Variants in CDH18 observed in about 807,000 individuals in gnomAD.
CDH18 encodes cadherin-18.
Under a neutral mutation model 67.9 loss-of-function variants are expected in CDH18, and 31 were observed. That is an observed-to-expected ratio of 0.46 (90% confidence interval 0.34 to 0.62). The LOEUF (loss-of-function observed/expected upper bound fraction) is 0.62, where lower values mean the gene tolerates loss of function less well. Among genes scored for constraint, CDH18 ranks in the 20% least tolerant of loss-of-function variants. The pLI, the probability that CDH18 is intolerant of heterozygous loss-of-function variation, is 0.01. For missense variants in CDH18, 890 were observed against 975.5 expected (o/e 0.91, Z 1.17); for synonymous variants, 362 against 347.2 (o/e 1.04, Z -0.48).
chr5:20,384,892 A>C (rs1230526499), intron 1 of CDH18, among the ~76,000 whole-genome samples: 1 of 152,090 alleles, frequency 6.6e-6, no homozygotes, highest in East Asian at 1.9e-4. Context: ...GCTGGAGTGC[A>C]GTGGTGTGAT....
chr5:19,736,273 T>C (rs1480827586), intron 4 of CDH18, among the ~76,000 whole-genome samples: 1 of 151,984 alleles, frequency 6.6e-6, no homozygotes, highest in East Asian at 1.9e-4. Flanking sequence ...CGCCTTTAGG[T>C]GGGAGGCTGA....
intron 1 of CDH18, among the ~76,000 whole-genome samples, chr5:20,517,435 A>G (rs572171996): frequency 4.5e-4 from 68 of 151,926 alleles, no homozygotes; most frequent in African/African-American, 1.5e-3. Context: ...GGATATTAAT[A>G]TTCCAGGTTA....
chr5:20,430,402 T>C (rs1288801129), intron 1 of CDH18, among the ~76,000 whole-genome samples: 2 of 152,142 alleles, frequency 1.3e-5, no homozygotes, highest in Admixed American at 6.5e-5. Context: ...CAAGCTGTCA[T>C]CATGCTGCTC....
chr5:20,473,980 C>T (rs1469975233), intron 1 of CDH18, among the ~76,000 whole-genome samples: 1 of 152,072 alleles, frequency 6.6e-6, no homozygotes, highest in African/African-American at 2.4e-5. Flanking sequence ...AAATATCATC[C>T]TTTTGCTTGC....
chr5:19,870,448 C>T (rs890693331), intron 2 of CDH18, among the ~76,000 whole-genome samples: 1 of 152,068 alleles, frequency 6.6e-6, no homozygotes, highest in Non-Finnish European at 1.5e-5. Flanking sequence ...TATGAGTGCA[C>T]TTAATGTCAC....
At chr5:20,244,479 A>G (rs934288354) in intron 2 of CDH18, among the ~76,000 whole-genome samples, 1 of 151,894 alleles carries the variant, frequency 6.6e-6, no homozygotes, top group Non-Finnish European at 1.5e-5. Context: ...TAACCTCATC[A>G]TTGCAACAGT....
intron 2 of CDH18, among the ~76,000 whole-genome samples, chr5:20,123,886 CAAAA>C (rs11292634): frequency 5.7e-5 from 5 of 87,234 alleles, no homozygotes; most frequent in Non-Finnish European, 6.9e-5. Context: ...GACTCCGTCT[CAAAA>C]AAAAAAAAAA....
At chr5:20,095,083 C>T (rs1172485015) in intron 2 of CDH18, among the ~76,000 whole-genome samples, 19 of 151,792 alleles carry the variant, frequency 1.3e-4, no homozygotes, top group Admixed American at 1.2e-3. Flanking sequence ...CATGTTCTCA[C>T]TCATAAGTGG....
intron 1 of CDH18, among the ~76,000 whole-genome samples, chr5:20,328,233 G>A (rs1738796864): frequency 6.6e-6 from 1 of 152,162 alleles, no homozygotes; most frequent in Non-Finnish European, 1.5e-5. Flanking sequence ...GGAAACCAAA[G>A]AGAAGACTCA....
intron 2 of CDH18, among the ~76,000 whole-genome samples, chr5:20,019,774 G>A (rs1343979977): frequency 6.6e-6 from 1 of 152,180 alleles, no homozygotes; most frequent in African/African-American, 2.4e-5. Flanking sequence ...GGCACCAGGG[G>A]TGGGGCATTG....
chr5:19,940,535 A>T (rs182989891), intron 2 of CDH18, among the ~76,000 whole-genome samples: 91 of 152,188 alleles, frequency 6.0e-4, no homozygotes, highest in South Asian at 3.9e-3. Flanking sequence ...TGTATAAATC[A>T]TTTCCTGCAT....
chr5:19,551,234 A>G (rs1035455540), intron 8 of CDH18, among the ~76,000 whole-genome samples: 5 of 152,316 alleles, frequency 3.3e-5, no homozygotes, highest in African/African-American at 9.6e-5. Context: ...TTCAGATATC[A>G]GAGGTAGTAA....
At chr5:19,707,339 TG>T (rs1400041354) in intron 5 of CDH18, among the ~76,000 whole-genome samples, 8 of 152,320 alleles carry the variant, frequency 5.3e-5, no homozygotes, top group African/African-American at 1.9e-4. Context: ...AGTAACTTAA[TG>T]ATAGCTATGA....
intron 2 of CDH18, among the ~76,000 whole-genome samples, chr5:19,859,989 G>GTGTGTGT (rs1784707651): frequency 2.1e-5 from 3 of 143,148 alleles, no homozygotes; most frequent in Admixed American, 7.0e-5. Context: ...GTTTGCTTTG[G>GTGTGTGT]GTGTGTGTGT....
intron 5 of CDH18, among the ~76,000 whole-genome samples, chr5:19,635,495 T>G (rs1753009679): frequency 6.6e-6 from 1 of 152,220 alleles, no homozygotes; most frequent in African/African-American, 2.4e-5. Flanking sequence ...GAGAGATGGT[T>G]GTTTTGTAAA....
At chr5:20,060,407 T>C (rs1220506502) in intron 2 of CDH18, among the ~76,000 whole-genome samples, 1 of 152,018 alleles carries the variant, frequency 6.6e-6, no homozygotes, top group Non-Finnish European at 1.5e-5. Context: ...GAGGTTGCAG[T>C]GAGCCAAGAT....
chr5:20,285,073 C>T (rs1746583310), intron 1 of CDH18, among the ~76,000 whole-genome samples: 1 of 151,646 alleles, frequency 6.6e-6, no homozygotes, highest in Non-Finnish European at 1.5e-5. Flanking sequence ...CATCCCCTCT[C>T]ATAAATAAAG....
intron 1 of CDH18, among the ~76,000 whole-genome samples, chr5:20,396,896 A>T (rs1314859755): frequency 1.3e-5 from 2 of 152,178 alleles, no homozygotes; most frequent in Non-Finnish European, 2.9e-5. Flanking sequence ...ATTTGCCCTT[A>T]TTAAAATGCT....
At chr5:20,502,128 A>T (rs1277393171) in intron 1 of CDH18, among the ~76,000 whole-genome samples, 1 of 152,072 alleles carries the variant, frequency 6.6e-6, no homozygotes, top group East Asian at 1.9e-4. Context: ...TTTAGATTAG[A>T]TTGCTTATCT....
Sources: allele counts gnomAD v4.1 joint callset (sites outside exome capture counted in the v4.1 genomes callset), GRCh38; gene constraint gnomAD v4.1.1; transcripts MANE v1.5; gene names NCBI Gene and HGNC (gene_info 2026-07-23, HGNC 2026-07-21).